Variants in NBEA observed in about 807,000 individuals in gnomAD.
NBEA encodes the protein neurobeachin, also known as lysosomal-trafficking regulator 2.
Under a neutral mutation model 343.4 loss-of-function variants are expected in NBEA, and 44 were observed. The ratio of observed to expected loss-of-function variants is 0.13; its 90% CI spans 0.10 to 0.16. The LOEUF is 0.16. NBEA is among the 10% of genes least tolerant of loss of function. The pLI is 1.00. For missense variants in NBEA, 2,555 were observed against 3,631.3 expected, an observed-to-expected ratio of 0.70 and a Z score of 7.62; for synonymous variants, 1,175 against 1,238.7, an observed-to-expected ratio of 0.95 and a Z score of 1.08.
intron 31 of NBEA, among the ~76,000 whole-genome samples, chr13:35,200,458 CA>C (rs5802754): frequency 0.058 from 7,891 of 137,120 alleles, 227 homozygotes; most frequent in South Asian, 0.071. Flanking sequence ...GAACAAAAGA[CA>C]AAAAAAAAAA....
chr13:35,625,483 C>T (rs1317714925), intron 48 of NBEA, among the ~76,000 whole-genome samples: 1 of 151,838 alleles, frequency 6.6e-6, no homozygotes, highest in Non-Finnish European at 1.5e-5. Context: ...TAGCCAGGCA[C>T]GGTGGCGCAT....
intron 30 of NBEA, among the ~76,000 whole-genome samples, chr13:35,184,691 T>C (rs138150471): frequency 5.0e-4 from 76 of 152,114 alleles, no homozygotes; most frequent in African/African-American, 1.8e-3. Flanking sequence ...ATATTCAAGA[T>C]GTTTTTCAAT....
At chr13:35,094,861 T>A (rs2065255531) in intron 10 of NBEA, among the ~76,000 whole-genome samples, 1 of 151,946 alleles carries the variant, frequency 6.6e-6, no homozygotes, top group African/African-American at 2.4e-5. Context: ...GTAAATCTGA[T>A]TTGGAACTTA....
intron 34 of NBEA, among the ~76,000 whole-genome samples, chr13:35,240,708 A>G (rs1468194411): frequency 4.0e-5 from 6 of 151,818 alleles, no homozygotes; most frequent in African/African-American, 1.4e-4. Context: ...AAATAACTCT[A>G]TGATTTAGGT....
chr13:35,109,920 T>C (rs563293251), intron 12 of NBEA, among the ~76,000 whole-genome samples: 4 of 151,960 alleles, frequency 2.6e-5, no homozygotes, highest in African/African-American at 9.6e-5. Context: ...GATTTAGTCC[T>C]AGTTGAAATC....
At chr13:34,974,047 C>T (rs2060085960) in intron 1 of NBEA, among the ~76,000 whole-genome samples, 1 of 152,140 alleles carries the variant, frequency 6.6e-6, no homozygotes, top group South Asian at 2.1e-4. Flanking sequence ...TTGCAAAGAT[C>T]CGTGGGAGAA....
intron 17 of NBEA, among the ~76,000 whole-genome samples, chr13:35,139,057 C>CTTTTTTT (rs36053692): frequency 3.1e-5 from 3 of 97,882 alleles, no homozygotes; most frequent in Non-Finnish European, 3.6e-5. Flanking sequence ...CAAGAAATAT[C>CTTTTTTT]TTTTTTTTTT....
intron 30 of NBEA, among the ~76,000 whole-genome samples, chr13:35,184,647 A>G (rs1200662796): frequency 6.6e-6 from 1 of 152,166 alleles, no homozygotes; most frequent in Non-Finnish European, 1.5e-5. Context: ...TGGCAGAACT[A>G]TCAGATACGG....
intron 49 of NBEA, 148 bp downstream of exon 49, chr13:35,628,396 A>G (rs1336001038): frequency 1.7e-6 from 1 of 604,678 alleles, no homozygotes; most frequent in Non-Finnish European, 2.7e-6. Flanking sequence ...GAAAAATTGA[A>G]AAGTCCCAAA....
intron 39 of NBEA, 88 bp from the exon 40 acceptor site, chr13:35,452,004 T>C (rs2046336723): frequency 6.5e-6 from 6 of 924,496 alleles, no homozygotes; most frequent in Non-Finnish European, 6.6e-6. Flanking sequence ...CAGCATATAA[T>C]TTAATAAAGC....
intron 46 of NBEA, among the ~76,000 whole-genome samples, chr13:35,591,638 A>G (rs917153102): frequency 3.9e-5 from 6 of 152,066 alleles, no homozygotes; most frequent in Admixed American, 3.9e-4. Flanking sequence ...AACATATTAC[A>G]AGTTTACAAA....
chr13:35,362,271 C>T (rs1379131215), intron 38 of NBEA, among the ~76,000 whole-genome samples: 1 of 151,792 alleles, frequency 6.6e-6, no homozygotes, highest in Non-Finnish European at 1.5e-5. Flanking sequence ...AGTCTCAAGA[C>T]CATAAATTGG....
chr13:35,297,581 G>A (rs1175779296), intron 35 of NBEA, among the ~76,000 whole-genome samples: 1 of 151,926 alleles, frequency 6.6e-6, no homozygotes, highest in Non-Finnish European at 1.5e-5. Flanking sequence ...GACTACTTAA[G>A]GATGACACAG....
chr13:35,153,102 G>A (rs1391122137), intron 18 of NBEA, among the ~76,000 whole-genome samples: 2 of 142,398 alleles, frequency 1.4e-5, no homozygotes, highest in African/African-American at 2.6e-5. Context: ...GCGTGATCTC[G>A]GCTCACTGCA....
At chr13:34,971,014 T>C (rs542986039) in intron 1 of NBEA, among the ~76,000 whole-genome samples, 2 of 152,204 alleles carry the variant, frequency 1.3e-5, no homozygotes, top group Admixed American at 1.3e-4. Flanking sequence ...GAGTGTGGAA[T>C]GTTTTTCTAT....
At chr13:35,288,578 A>G (rs534512331) in intron 34 of NBEA, among the ~76,000 whole-genome samples, 2 of 152,030 alleles carry the variant, frequency 1.3e-5, no homozygotes, top group South Asian at 4.1e-4. Flanking sequence ...TTTTCTTATG[A>G]TGGAATGATG....
At chr13:35,280,830 A>G (rs1242015852) in intron 34 of NBEA, among the ~76,000 whole-genome samples, 2 of 151,878 alleles carry the variant, frequency 1.3e-5, no homozygotes, top group Non-Finnish European at 2.9e-5. Flanking sequence ...AGTTCATCCA[A>G]TTTCAAAATA....
At chr13:35,457,890 A>T (rs1384119995) in intron 40 of NBEA, among the ~76,000 whole-genome samples, 1 of 151,228 alleles carries the variant, frequency 6.6e-6, no homozygotes, top group African/African-American at 2.4e-5. Context: ...CACAGGCGTG[A>T]GCCACCGCGC....
intron 1 of NBEA, among the ~76,000 whole-genome samples, chr13:35,001,436 G>A (rs1024957070): frequency 6.6e-6 from 1 of 152,150 alleles, no homozygotes; most frequent in Non-Finnish European, 1.5e-5. Flanking sequence ...TCCATCAGCA[G>A]ATGAATGGAT....
Sources: allele counts gnomAD v4.1 joint callset (sites outside exome capture counted in the v4.1 genomes callset), GRCh38; gene constraint gnomAD v4.1.1; transcripts MANE v1.5; gene names NCBI Gene and HGNC (gene_info 2026-07-23, HGNC 2026-07-21).